Variants in GRIK4 observed in about 807,000 individuals in gnomAD.
The protein encoded by GRIK4 is glutamate ionotropic receptor kainate type subunit 4.
A neutral mutation model predicts 104.9 loss-of-function variants in GRIK4; 40 were observed. The ratio of observed to expected loss-of-function variants is 0.38; its 90% CI spans 0.30 to 0.50. GRIK4 has a LOEUF of 0.50. Ranked by LOEUF, GRIK4 falls within the 20% of genes least tolerant of loss-of-function variation. The pLI is 0.93. For synonymous variants in GRIK4, 485 were observed against 524.9 expected, an observed-to-expected ratio of 0.92 and a Z score of 1.04; for missense variants, 1,047 against 1,308.1, an observed-to-expected ratio of 0.80 and a Z score of 3.08.
At chr11:120,669,279 G>A (rs1183191101) in intron 3 of GRIK4, among the ~76,000 whole-genome samples, 1 of 152,158 alleles carries the variant, frequency 6.6e-6, no homozygotes, top group South Asian at 2.1e-4. Context: ...AGAGCATCCT[G>A]AGGAGAGAGC....
chr11:120,798,458 G>C (rs1362757409), intron 3 of GRIK4, among the ~76,000 whole-genome samples: 1 of 151,890 alleles, frequency 6.6e-6, no homozygotes, highest in African/African-American at 2.4e-5. Flanking sequence ...CACTATGCCA[G>C]GTTTTGTTTT....
In GRIK4 at chr11:120,956,507, C is replaced by G. The variant is rs1392961621; in HGVS notation, c.1701-273C>G. ...GGCATGAGCCACCGCACCTGGCCAT[C>G]CTCTATTCTGTATTTTGGAGTTCCA... On this transcript the variant is annotated intron_variant, in intron 15 of 20. Coordinates refer to ENST00000527524, the MANE Select transcript of GRIK4 (RefSeq NM_014619.5). This position sits in a 1 kb window ranked among gnomAD's most constrained non-coding sequence, Gnocchi z 4.6. 6.6e-6 allele frequency among the ~76,000 whole-genome samples: 1 copy of G among 152,090 alleles called. No homozygotes were observed. Among genetic ancestry groups the G allele is most frequent in the Non-Finnish European group, 1.5e-5 (1 of 68,024 alleles).
chr11:120,593,345 A>G (rs545908612), intron 1 of GRIK4, among the ~76,000 whole-genome samples: 2 of 152,004 alleles, frequency 1.3e-5, no homozygotes, highest in African/African-American at 4.8e-5. Flanking sequence ...TGCCCCACCA[A>G]TCCACTCAAC....
At chr11:120,783,083 G>A (rs776236057) in intron 3 of GRIK4, among the ~76,000 whole-genome samples, 1 of 152,168 alleles carries the variant, frequency 6.6e-6, no homozygotes, top group Admixed American at 6.5e-5. Flanking sequence ...CATTCAAACC[G>A]TCGCCCTAGC....
chr11:120,775,840 C>T (rs1952031597), intron 3 of GRIK4, among the ~76,000 whole-genome samples: 1 of 152,272 alleles, frequency 6.6e-6, no homozygotes, highest in South Asian at 2.1e-4. Flanking sequence ...GAGCCAAGCT[C>T]AGGGCTTCCT....
chr11:120,887,562 T>C (rs1955157822), intron 11 of GRIK4, among the ~76,000 whole-genome samples: 1 of 152,194 alleles, frequency 6.6e-6, no homozygotes, highest in Non-Finnish European at 1.5e-5. Flanking sequence ...AAGAACTTTG[T>C]AATTCAATTC....
At chr11:120,687,038 C>T (rs1950287004) in intron 3 of GRIK4, among the ~76,000 whole-genome samples, 1 of 152,198 alleles carries the variant, frequency 6.6e-6, no homozygotes, top group Admixed American at 6.5e-5. Context: ...AGCAGAAGCA[C>T]TGTTTTGAAT....
At chr11:120,763,059 G>T (rs1448904046) in intron 3 of GRIK4, among the ~76,000 whole-genome samples, 1 of 152,124 alleles carries the variant, frequency 6.6e-6, no homozygotes, top group African/African-American at 2.4e-5. Context: ...ATTCAGCTGT[G>T]AATCTGTCTT....
In GRIK4 at chr11:120,597,749, G is replaced by A. The variant is rs187525665; in HGVS notation, c.-158-55936G>A. ...GTGCAGCATTCGAATTTTTCTCTAA[G>A]CATCTGAAAGCGAAAGGGAAATTGT... On this transcript the variant is annotated intron_variant, in intron 1 of 20. Coordinates refer to ENST00000527524, the MANE Select transcript of GRIK4 (RefSeq NM_014619.5). Among the ~76,000 whole-genome samples the A allele has an allele frequency of 4.6e-5, 7 of 152,206 alleles. No individual in the cohort carries two copies. In the East Asian group the frequency reaches 1.4e-3, roughly 29 times the overall value.
intron 11 of GRIK4, among the ~76,000 whole-genome samples, chr11:120,885,599 G>A (rs1955095476): frequency 2.0e-5 from 3 of 152,130 alleles, no homozygotes; most frequent in Admixed American, 1.3e-4. Flanking sequence ...TGGTCAGGCT[G>A]ATCTCGAACT....
chr11:120,660,434 C>T, intron 3 of GRIK4, 34 bp downstream of exon 3: 2 of 1,487,034 alleles, frequency 1.3e-6, no homozygotes, highest in Non-Finnish European at 1.9e-6. Flanking sequence ...AGTGCCCCCA[C>T]CCACTATCCC....
chr11:120,933,218 G>A (rs1259795250), intron 13 of GRIK4, among the ~76,000 whole-genome samples: 1 of 152,266 alleles, frequency 6.6e-6, no homozygotes, highest in Non-Finnish European at 1.5e-5. Context: ...AGGGGCCAGA[G>A]TGGGGGACGC....
At chr11:120,749,595 C>T (rs770611502) in intron 3 of GRIK4, among the ~76,000 whole-genome samples, 1 of 152,190 alleles carries the variant, frequency 6.6e-6, no homozygotes, top group East Asian at 1.9e-4. Context: ...ACCAAAAGGC[C>T]TGGGTTCGTC....
chr11:120,778,462 A>G (rs1490541041), intron 3 of GRIK4, among the ~76,000 whole-genome samples: 2 of 152,258 alleles, frequency 1.3e-5, no homozygotes, highest in Non-Finnish European at 2.9e-5. Context: ...TTTAGTTTGT[A>G]TTTAATGATG....
intron 3 of GRIK4, among the ~76,000 whole-genome samples, chr11:120,723,637 C>T (rs1361761217): frequency 6.6e-6 from 1 of 152,170 alleles, no homozygotes; most frequent in African/African-American, 2.4e-5. Flanking sequence ...GATTTGCCCA[C>T]ATGAAGTCCC....
intron 1 of GRIK4, among the ~76,000 whole-genome samples, chr11:120,561,628 G>A (rs76549055): frequency 6.6e-6 from 1 of 152,338 alleles, no homozygotes; most frequent in East Asian, 1.9e-4. Context: ...ACCTTCGGGG[G>A]CAGCCCATGT....
At chr11:120,783,161 G>A (rs1467919019) in intron 3 of GRIK4, among the ~76,000 whole-genome samples, 2 of 152,232 alleles carry the variant, frequency 1.3e-5, no homozygotes, top group Admixed American at 1.3e-4. Context: ...CCCCACGTCA[G>A]TAGTGCTGAA....
At chr11:120,832,286 G>A (rs1953451880) in intron 7 of GRIK4, among the ~76,000 whole-genome samples, 1 of 152,352 alleles carries the variant, frequency 6.6e-6, no homozygotes, top group East Asian at 1.9e-4. Flanking sequence ...GCCAAACTTA[G>A]ACCCTGCTAA....
At chr11:120,517,875 A>C (rs1947750238) in intron 1 of GRIK4, among the ~76,000 whole-genome samples, 1 of 152,160 alleles carries the variant, frequency 6.6e-6, no homozygotes, top group Non-Finnish European at 1.5e-5. Flanking sequence ...GCCAGAGTTA[A>C]AGAGGAGGAT....
Sources: allele counts gnomAD v4.1 joint callset (sites outside exome capture counted in the v4.1 genomes callset), GRCh38; gene constraint gnomAD v4.1.1; non-coding constraint Gnocchi (gnomAD v3.1); transcripts MANE v1.5; gene names NCBI Gene and HGNC (gene_info 2026-07-23, HGNC 2026-07-21).